Variants in RYR2 observed in about 807,000 individuals in gnomAD.
RYR2 encodes the protein ryanodine receptor 2, also known as cardiac muscle ryanodine receptor-calcium release channel.
A neutral mutation model predicts 601.1 loss-of-function variants in RYR2; 227 were observed. The ratio of observed to expected loss-of-function variants is 0.38; its 90% CI spans 0.34 to 0.42. The LOEUF (loss-of-function observed/expected upper bound fraction) is 0.42, where lower values mean the gene tolerates loss of function less well. RYR2 is among the 10% of genes least tolerant of loss of function. RYR2 has a pLI of 1.00. For synonymous variants in RYR2, 2,223 were observed against 2,175.1 expected (o/e 1.02, Z -0.61); for missense variants, 4,646 against 6,156.5 (o/e 0.75, Z 8.21).
At chr1:237,088,202 A>G (rs1020145955) in intron 1 of RYR2, among the ~76,000 whole-genome samples, 13 of 152,196 alleles carry the variant, frequency 8.5e-5, no homozygotes, top group Middle Eastern at 3.4e-3. Context: ...AAGGCGTGTA[A>G]AGCATGCATG....
intron 2 of RYR2, among the ~76,000 whole-genome samples, chr1:237,294,542 A>G (rs1048427299): frequency 1.3e-5 from 2 of 152,202 alleles, no homozygotes; most frequent in African/African-American, 4.8e-5. Flanking sequence ...AAAATGGAAA[A>G]TGACTAAAAA....
chr1:237,107,521 A>C (rs1572657757), intron 1 of RYR2, among the ~76,000 whole-genome samples: 3 of 145,186 alleles, frequency 2.1e-5, no homozygotes, highest in Admixed American at 6.8e-5. Flanking sequence ...CTCCATCTCA[A>C]AAAAAAAAAA....
At chr1:237,388,221 T>C in intron 10 of RYR2, 38 bp downstream of exon 10, 2 of 1,549,948 alleles carry the variant, frequency 1.3e-6, no homozygotes. Context: ...ACTTGCACTC[T>C]TTTGCCTTGA....
At chr1:237,451,004 A>G (rs552827062) in intron 14 of RYR2, among the ~76,000 whole-genome samples, 107 of 151,740 alleles carry the variant, frequency 7.1e-4, no homozygotes, top group African/African-American at 2.4e-3. Flanking sequence ...ATATATTTAT[A>G]TTGCATATAT....
intron 80 of RYR2, 109 bp downstream of exon 80, chr1:237,742,458 T>A: frequency 1.2e-6 from 1 of 850,160 alleles, no homozygotes; most frequent in Non-Finnish European, 1.9e-6. Context: ...CAGCTTATTG[T>A]GTCAAGGAAC....
In RYR2 at chr1:237,186,361, C is replaced by A. The variant is rs113480359; in HGVS notation, c.49-84136C>A. On this transcript the variant is annotated intron_variant, in intron 1 of 104. Transcript: ENST00000366574. ...TCTGTATGTAAAAACAAGTATCGTACTAAGGTCCTGCAAGAGCCTTAGTAC... is the reference window on the plus strand; with the variant it reads ...TCTGTATGTAAAAACAAGTATCGTAATAAGGTCCTGCAAGAGCCTTAGTAC... Among the ~76,000 whole-genome samples, 739 of 152,252 alleles carry A rather than the reference C, an allele frequency of 4.9e-3. 5 individuals carry two copies. The highest frequency in any genetic ancestry group is 0.016 in the African/African-American group (682 of 41,542).
At chr1:237,767,700 A>G (rs1693948158) in intron 84 of RYR2, among the ~76,000 whole-genome samples, 1 of 152,240 alleles carries the variant, frequency 6.6e-6, no homozygotes, top group African/African-American at 2.4e-5. Flanking sequence ...GAATTGTAAT[A>G]TAATTGAAGC....
intron 10 of RYR2, among the ~76,000 whole-genome samples, chr1:237,389,457 A>G (rs1030560556): frequency 4.6e-5 from 7 of 152,174 alleles, no homozygotes; most frequent in African/African-American, 1.7e-4. Flanking sequence ...TAACTCTGTT[A>G]GGCAAGGAGA....
chr1:237,701,107 A>C (rs1033031268), intron 65 of RYR2, among the ~76,000 whole-genome samples: 1 of 152,222 alleles, frequency 6.6e-6, no homozygotes, highest in African/African-American at 2.4e-5. Flanking sequence ...TGTTGAGCAG[A>C]ATCACCAACT....
At chr1:237,128,672 G>A (rs2485573) in intron 1 of RYR2, among the ~76,000 whole-genome samples, 54,868 of 151,962 alleles carry the variant, frequency 0.36, 11,884 homozygotes, top group Admixed American at 0.51. Context: ...TAAGGCCACC[G>A]TGGCTGCCAG....
intron 1 of RYR2, among the ~76,000 whole-genome samples, chr1:237,113,062 A>G (rs1262834588): frequency 1.4e-4 from 22 of 152,172 alleles, no homozygotes; most frequent in Non-Finnish European, 3.2e-4. Context: ...GTAGGAATTG[A>G]GAACAAAACC....
Position 237,468,985 on chromosome 1 carries a change from A to AT in RYR2, c.1613-107_1613-106insT, listed in dbSNP as rs35662567. On this transcript the variant is annotated intron_variant, in intron 16 of 104. Coordinates refer to ENST00000366574, the MANE Select transcript of RYR2 (RefSeq NM_001035.3). ...GTTTGCATAAGTTTTTAGATGTAAC[A>AT]GAGGATATTTTGTTCTTGATCCAAT... 0.54 allele frequency: 434,275 copies of AT among 804,336 alleles called. 120,441 individuals are homozygous for AT. The highest frequency in any genetic ancestry group is 0.78 in the East Asian group (29,889 of 38,516). 49.8% of individuals were successfully genotyped at this position (804,336 alleles called of 1,614,324 possible).
chr1:237,787,012 G>A (rs1242014442), intron 91 of RYR2, among the ~76,000 whole-genome samples: 1 of 151,880 alleles, frequency 6.6e-6, no homozygotes, highest in African/African-American at 2.4e-5. Context: ...ATTAAGTATA[G>A]CTTATATATA....
At chr1:237,088,701 G>A (rs1056963370) in intron 1 of RYR2, among the ~76,000 whole-genome samples, 2 of 152,156 alleles carry the variant, frequency 1.3e-5, no homozygotes, top group Non-Finnish European at 2.9e-5. Context: ...GAAAATATTC[G>A]AGGGGTAATG....
At chr1:237,336,543 G>A (rs1697249200) in intron 3 of RYR2, among the ~76,000 whole-genome samples, 1 of 152,180 alleles carries the variant, frequency 6.6e-6, no homozygotes. Flanking sequence ...AAATGGAGCT[G>A]TAGAATGTGG....
chr1:237,181,245 A>G lies in RYR2; in HGVS notation c.49-89252A>G, dbSNP rs1262518134. Among the ~76,000 whole-genome samples the G allele has an allele frequency of 2.6e-5, 4 of 152,128 alleles. No individual in the cohort carries two copies. The South Asian group carries it at 8.3e-4, about 32-fold the overall frequency. ...GTGATCCGCCCTCCTCGGCTTCCCA[A>G]AGTGCTGGGATTACAGGCATGAGCC... On this transcript the variant is annotated intron_variant, in intron 1 of 104. Transcript: ENST00000366574.
At chr1:237,195,024 T>A (rs2149018634) in intron 1 of RYR2, among the ~76,000 whole-genome samples, 1 of 152,324 alleles carries the variant, frequency 6.6e-6, no homozygotes, top group East Asian at 1.9e-4. Context: ...TTCACTGACC[T>A]GTGAATAGGT....
intron 1 of RYR2, among the ~76,000 whole-genome samples, chr1:237,170,358 G>A (rs1677217536): frequency 6.6e-6 from 1 of 152,128 alleles, no homozygotes; most frequent in Non-Finnish European, 1.5e-5. Flanking sequence ...AAGGCATCGG[G>A]AGGGAGTCTG....
At chr1:237,111,582 C>T (rs975671968) in intron 1 of RYR2, among the ~76,000 whole-genome samples, 28 of 130,718 alleles carry the variant, frequency 2.1e-4, no homozygotes, top group Middle Eastern at 3.4e-3. Flanking sequence ...AATGAGACTC[C>T]GTCTCTTTAA....
Sources: allele counts gnomAD v4.1 joint callset (sites outside exome capture counted in the v4.1 genomes callset), GRCh38; gene constraint gnomAD v4.1.1; transcripts MANE v1.5; gene names NCBI Gene and HGNC (gene_info 2026-07-23, HGNC 2026-07-21).